ANKMY1: variants seen among roughly 807,000 people sequenced by gnomAD.
The protein encoded by ANKMY1 is ankyrin repeat and MYND domain containing 1.
A neutral mutation model predicts 102.0 loss-of-function variants in ANKMY1; 98 were observed. That is an observed-to-expected ratio of 0.96 (90% confidence interval 0.82 to 1.14). The LOEUF (loss-of-function observed/expected upper bound fraction) is 1.14, where lower values mean the gene tolerates loss of function less well. Ranked by LOEUF, ANKMY1 falls within the 50% of genes most tolerant of loss-of-function variation. ANKMY1 has a pLI of 0.00. For synonymous variants in ANKMY1, 582 were observed against 559.9 expected, an observed-to-expected ratio of 1.04 and a Z score of -0.56; for missense variants, 1,330 against 1,347.6, an observed-to-expected ratio of 0.99 and a Z score of 0.20.
chr2:240,518,891 A>G (rs1456274828), intron 9 of ANKMY1, among the ~76,000 whole-genome samples: 2 of 152,140 alleles, frequency 1.3e-5, no homozygotes, highest in African/African-American at 2.4e-5. Context: ...TCCAAGCTGA[A>G]AGGCTGTGCA....
chr2:240,560,855 C>T (rs748219279), upstream of ANKMY1: 4 of 1,392,328 alleles, frequency 2.9e-6, no homozygotes, highest in Admixed American at 3.6e-5. Context: ...AGCAGCCCGG[C>T]CCGCGCGCGC....
At chr2:240,500,326 G>T (rs1294699885) in intron 14 of ANKMY1, 126 bp downstream of exon 14, 3 of 1,192,598 alleles carry the variant, frequency 2.5e-6, no homozygotes, top group African/African-American at 1.5e-5. Flanking sequence ...CAGCCAAGGG[G>T]CTGCTCTGGG....
At position 240,520,128 on chromosome 2, in the gene ANKMY1, G is replaced by C; in HGVS notation, c.2004+234C>G. The C allele has an allele frequency of 2.7e-6, 2 of 743,212 alleles. No homozygotes were observed. The highest frequency in any genetic ancestry group is 4.8e-6 in the Non-Finnish European group (2 of 414,636). 46.0% of individuals were successfully genotyped at this position (743,212 alleles called of 1,614,324 possible). A position where few individuals can be genotyped will look rare whatever the true frequency, so the allele number is the denominator to read the frequency against. ...TTCAACACTGGGAAAAAAATCACAC[G>C]GATCGTGAAGTACTCTAAAAACTAG... is the stretch of plus-strand genomic sequence containing the variant. On this transcript the variant is annotated intron_variant, in intron 9 of 17. Coordinates refer to ENST00000401804, the MANE Select transcript of ANKMY1 (RefSeq NM_001282771.3). This position sits in a 1 kb window ranked among gnomAD's most constrained non-coding sequence, Gnocchi z 4.8.
At chr2:240,537,109 A>G (rs1323902891) in intron 4 of ANKMY1, among the ~76,000 whole-genome samples, 1 of 152,252 alleles carries the variant, frequency 6.6e-6, no homozygotes, top group African/African-American at 2.4e-5. Flanking sequence ...ATCTCACAGC[A>G]GCCTGAGGAA....
Position 240,499,702 on chromosome 2 carries a change from C to A in ANKMY1, c.2806+256G>T, listed in dbSNP as rs185826708. 1.5e-3 allele frequency among the ~76,000 whole-genome samples: 226 copies of A among 152,172 alleles called. No homozygotes were observed. The highest frequency in any genetic ancestry group is 5.3e-3 in the African/African-American group (220 of 41,512). The stretch of plus-strand genomic sequence containing the variant: ...CTAGTTCTCTCCTGGGCGTGGGGCC[C>A]CTCTGACCTGGGCCCTGGCCCTAGG... On this transcript the variant is annotated intron_variant, in intron 15 of 17. Coordinates refer to ENST00000401804, the MANE Select transcript of ANKMY1 (RefSeq NM_001282771.3). This position sits in a 1 kb window ranked among gnomAD's most constrained non-coding sequence, Gnocchi z 4.2.
chr2:240,495,167 C>T (rs113587121), intron 15 of ANKMY1, among the ~76,000 whole-genome samples: 5,345 of 152,220 alleles, frequency 0.035, 127 homozygotes, highest in South Asian at 0.08. Context: ...TCTGGGAAGA[C>T]GCCCGTTACC....
chr2:240,556,826 A>T (rs1281548589), intron 2 of ANKMY1, among the ~76,000 whole-genome samples: 1 of 151,956 alleles, frequency 6.6e-6, no homozygotes, highest in Non-Finnish European at 1.5e-5. Context: ...TGACAGGGGG[A>T]CCTCGTGAGA....
Position 240,511,849 on chromosome 2 carries a change from G to A in ANKMY1, c.2286+12C>T, listed in dbSNP as rs1203280212. 1.3e-6 allele frequency: 2 copies of A among 1,575,816 alleles called. No homozygotes were observed. Among genetic ancestry groups the A allele is most frequent in the Non-Finnish European group, 1.7e-6 (2 of 1,170,360 alleles). On this transcript the variant is annotated intron_variant, in intron 11 of 17. Transcript: ENST00000401804. ...CAGCCCTGTGCCCCCGCCAGGCCCT[G>A]GCTGCCCTCACCTTGTTGTCATCCT...
intron 15 of ANKMY1, among the ~76,000 whole-genome samples, chr2:240,482,995 T>C (rs1224185825): frequency 3.3e-5 from 5 of 152,236 alleles, no homozygotes; most frequent in Non-Finnish European, 7.3e-5. Flanking sequence ...TTTATAATTG[T>C]TACATCTTCC....
the ANKMY1 span, among the ~76,000 whole-genome samples, chr2:240,474,353 C>T: frequency 2.0e-5 from 3 of 151,028 alleles, no homozygotes; most frequent in African/African-American, 4.9e-5. Flanking sequence ...GTGATCCACC[C>T]GCCTCGGCCT....
intron 1 of ANKMY1, 34 bp from the exon 2 acceptor site, chr2:240,557,386 C>G: frequency 1.4e-6 from 2 of 1,420,990 alleles, no homozygotes; most frequent in Non-Finnish European, 1.9e-6. Context: ...CATGTGCCCC[C>G]AGGGCTCCCG....
intron 4 of ANKMY1, among the ~76,000 whole-genome samples, chr2:240,544,527 G>T (rs976086384): frequency 6.6e-6 from 1 of 152,186 alleles, no homozygotes; most frequent in African/African-American, 2.4e-5. Flanking sequence ...AATAGGAACA[G>T]CTCTGGTCTA....
Position 240,553,021 on chromosome 2 carries a change from C to T in ANKMY1, c.373G>A (p.Gly125Ser). ...TCTGGCCACATGTAGGTACCCAGGCCATGGCAGTGGTCCCGGTAAAACTGC... is the reference window on the plus strand; with the variant it reads ...TCTGGCCACATGTAGGTACCCAGGCTATGGCAGTGGTCCCGGTAAAACTGC... ...HGQFYRDHCH[G>S]LGTYMWPDGS... The change falls in exon 4 of 18, where the codon GGC becomes AGC. Residue 125 changes from glycine to serine, a missense_variant. By Grantham distance (56) the Gly-to-Ser change is moderately conservative (BLOSUM62 0). Transcript: ENST00000401804. 1 of 1,614,032 alleles carries T rather than the reference C, an allele frequency of 6.2e-7. No individual in the cohort carries two copies. The highest frequency in any genetic ancestry group is 8.5e-7 in the Non-Finnish European group (1 of 1,180,016).
intron 8 of ANKMY1, chr2:240,523,317 T>C (rs2082675497): frequency 6.5e-6 from 1 of 153,534 alleles, no homozygotes; most frequent in Non-Finnish European, 1.4e-5. Context: ...TGGGGGCTGG[T>C]GGTCTGCACG....
intron 15 of ANKMY1, among the ~76,000 whole-genome samples, chr2:240,493,114 G>A (rs566388232): frequency 1.3e-5 from 2 of 152,218 alleles, no homozygotes; most frequent in African/African-American, 4.8e-5. Flanking sequence ...ATCAGGTCAG[G>A]AGTACGAGAC....
rs35996697 is a variant in ANKMY1, at chr2:240,524,178, T to C, written c.1539A>G (p.Ile513Met). ...CCTTCAGAGAGCTGCTCCTGTGGTC[T>C]ATGGACCCCCCACACTGCCCGGTGT... is the stretch of plus-strand genomic sequence containing the variant. The part of the protein sequence containing the change: ...FQDTGQCGGS[I>M]DHRSSSLKGD... Residue 513 changes from isoleucine to methionine, a missense_variant, in exon 8 of 18, where the codon ATA (isoleucine) becomes ATG (methionine). By Grantham distance (10) the Ile-to-Met change is conservative (BLOSUM62 1). Coordinates refer to ENST00000401804, the MANE Select transcript of ANKMY1 (RefSeq NM_001282771.3). 0.16 allele frequency: 259,904 copies of C among 1,613,746 alleles called. 22,400 individuals carry two copies. Among genetic ancestry groups the C allele is most frequent in the Middle Eastern group, 0.29 (1,736 of 6,062 alleles).
chr2:240,479,828 T>C (rs2075141301), intron 17 of ANKMY1, among the ~76,000 whole-genome samples, 173 bp from the exon 18 acceptor site: 1 of 152,040 alleles, frequency 6.6e-6, no homozygotes, highest in Non-Finnish European at 1.5e-5. Context: ...CTGCCGTGAC[T>C]CTTCAAAGAG....
chr2:240,546,120 G>A (rs1048645764), intron 4 of ANKMY1, among the ~76,000 whole-genome samples: 1 of 152,178 alleles, frequency 6.6e-6, no homozygotes, highest in African/African-American at 2.4e-5. Flanking sequence ...GAAAGGTCGG[G>A]TTACCCTCAA....
intron 8 of ANKMY1, among the ~76,000 whole-genome samples, chr2:240,521,434 T>C (rs538244457): frequency 5.4e-4 from 76 of 141,878 alleles, no homozygotes; most frequent in Non-Finnish European, 1.0e-3. Flanking sequence ...GCCTTTCTGG[T>C]GGGTTGTTGG....
Sources: allele counts gnomAD v4.1 joint callset (sites outside exome capture counted in the v4.1 genomes callset), GRCh38; gene constraint gnomAD v4.1.1; non-coding constraint Gnocchi (gnomAD v3.1); transcripts MANE v1.5; gene names NCBI Gene and HGNC (gene_info 2026-07-23, HGNC 2026-07-21).